Variants in BBS9 observed in about 807,000 individuals in gnomAD.
BBS9 encodes Bardet-Biedl syndrome 9, also known as protein PTHB1.
Under a neutral mutation model 117.7 loss-of-function variants are expected in BBS9, and 89 were observed. The observed-to-expected ratio is 0.76, with a 90% CI of 0.64 to 0.90. The LOEUF (loss-of-function observed/expected upper bound fraction) is 0.90, where lower values mean the gene tolerates loss of function less well. Ranked by LOEUF, BBS9 falls within the 40% of genes least tolerant of loss-of-function variation. The pLI is 0.00. For synonymous variants in BBS9, 379 were observed against 370.9 expected (o/e 1.02, Z -0.25); for missense variants, 982 against 1,042.2 (o/e 0.94, Z 0.80).
At chr7:33,449,459 G>A (rs1837462573) in intron 19 of BBS9, among the ~76,000 whole-genome samples, 1 of 152,176 alleles carries the variant, frequency 6.6e-6, no homozygotes, top group Non-Finnish European at 1.5e-5. Flanking sequence ...TAGAGTAACT[G>A]GAATAGTTCT....
intron 21 of BBS9, among the ~76,000 whole-genome samples, chr7:33,564,868 G>T (rs920277889): frequency 6.6e-6 from 1 of 152,190 alleles, no homozygotes; most frequent in African/African-American, 2.4e-5. Flanking sequence ...GGTAAAGAAT[G>T]ATTTGTACTA....
intron 21 of BBS9, among the ~76,000 whole-genome samples, chr7:33,631,957 G>A (rs1233255195): frequency 2.6e-5 from 4 of 152,158 alleles, no homozygotes; most frequent in African/African-American, 9.7e-5. Flanking sequence ...TAATTAGTGC[G>A]TAGAATGGAA....
intron 7 of BBS9, among the ~76,000 whole-genome samples, chr7:33,269,169 A>G (rs577040975): frequency 6.6e-6 from 1 of 152,192 alleles, no homozygotes; most frequent in Non-Finnish European, 1.5e-5. Flanking sequence ...AAATATTTTA[A>G]TATCTAAAGT....
At chr7:33,135,079 G>T (rs1027127082) in intron 1 of BBS9, among the ~76,000 whole-genome samples, 1 of 152,154 alleles carries the variant, frequency 6.6e-6, no homozygotes, top group African/African-American at 2.4e-5. Flanking sequence ...TTTTTGTAGT[G>T]ATGGGGTCTC....
intron 19 of BBS9, among the ~76,000 whole-genome samples, chr7:33,405,522 G>A (rs550263863): frequency 3.3e-5 from 5 of 152,106 alleles, no homozygotes; most frequent in Non-Finnish European, 5.9e-5. Context: ...CAATTTCAGA[G>A]CCTGTTATTG....
chr7:33,265,134 A>G (rs1371359049), intron 7 of BBS9, among the ~76,000 whole-genome samples: 1 of 152,214 alleles, frequency 6.6e-6, no homozygotes, highest in Non-Finnish European at 1.5e-5. Flanking sequence ...AACTAAAATT[A>G]TGGTGGAAAC....
At chr7:33,467,557 G>GA (rs1293934266) in intron 19 of BBS9, among the ~76,000 whole-genome samples, 1 of 77,716 alleles carries the variant, frequency 1.3e-5, no homozygotes, top group African/African-American at 6.5e-5. Flanking sequence ...AGTGCTGTGG[G>GA]AACCCCCCAA....
intron 5 of BBS9, among the ~76,000 whole-genome samples, chr7:33,211,032 C>G (rs1393085539): frequency 6.6e-6 from 1 of 152,138 alleles, no homozygotes; most frequent in Non-Finnish European, 1.5e-5. Flanking sequence ...ATCTCTTTTT[C>G]TATCCCTTTG....
intron 20 of BBS9, among the ~76,000 whole-genome samples, chr7:33,533,158 C>G (rs1018399462): frequency 5.9e-5 from 9 of 152,180 alleles, no homozygotes; most frequent in Non-Finnish European, 1.0e-4. Flanking sequence ...GCTGAACCCA[C>G]CTGAGGGTGG....
chr7:33,490,367 T>G (rs1335472225), intron 19 of BBS9, among the ~76,000 whole-genome samples: 1 of 101,304 alleles, frequency 9.9e-6, no homozygotes, highest in Non-Finnish European at 2.4e-5. Context: ...GATTTTCTTT[T>G]TATTTGTGTG....
chr7:33,177,237 A>G (rs958427835), intron 4 of BBS9, among the ~76,000 whole-genome samples: 3 of 152,166 alleles, frequency 2.0e-5, no homozygotes. Context: ...TAAAAATAGA[A>G]TATAAAGTGT....
chr7:33,429,305 A>T (rs1223974213), intron 19 of BBS9, among the ~76,000 whole-genome samples: 2 of 150,306 alleles, frequency 1.3e-5, no homozygotes, highest in African/African-American at 2.4e-5. Context: ...AAATTCAGCC[A>T]GAAGTGTTAG....
chr7:33,578,108 C>G (rs1859253375), intron 21 of BBS9, among the ~76,000 whole-genome samples: 1 of 152,102 alleles, frequency 6.6e-6, no homozygotes, highest in African/African-American at 2.4e-5. Context: ...CATATCTTTG[C>G]CCTATCACTT....
At chr7:33,243,883 TGTC>T (rs1794917849) in intron 5 of BBS9, among the ~76,000 whole-genome samples, 1 of 152,178 alleles carries the variant, frequency 6.6e-6, no homozygotes, top group South Asian at 2.1e-4. Context: ...GTATTAGTAT[TGTC>T]TTTTAAGAGA....
intron 5 of BBS9, among the ~76,000 whole-genome samples, chr7:33,239,861 C>G (rs1794181619): frequency 1.3e-5 from 2 of 151,994 alleles, no homozygotes; most frequent in African/African-American, 4.8e-5. Flanking sequence ...AAAAAATTAG[C>G]CAGGCATGGT....
chr7:33,266,569 T>C (rs916648655), intron 7 of BBS9, among the ~76,000 whole-genome samples: 28 of 152,184 alleles, frequency 1.8e-4, no homozygotes, highest in Admixed American at 1.8e-3. Flanking sequence ...TTAGAGTGTT[T>C]CATACATGTC....
At chr7:33,613,244 G>A (rs1188314748) in intron 21 of BBS9, among the ~76,000 whole-genome samples, 1 of 152,014 alleles carries the variant, frequency 6.6e-6, no homozygotes, top group East Asian at 1.9e-4. Context: ...CATCCTCAAA[G>A]TATTGTTCTG....
At chr7:33,336,702 T>C (rs1815444040) in intron 10 of BBS9, 80 bp downstream of exon 10, 7 of 1,058,100 alleles carry the variant, frequency 6.6e-6, no homozygotes, top group South Asian at 2.9e-5. Flanking sequence ...TTATTTTGTG[T>C]ATTTGTTAAT....
chr7:33,596,710 T>G (rs1862873528), intron 21 of BBS9, among the ~76,000 whole-genome samples: 1 of 152,176 alleles, frequency 6.6e-6, no homozygotes, highest in Non-Finnish European at 1.5e-5. Flanking sequence ...ATTTTGTCAT[T>G]TACACCTTTT....
Sources: allele counts gnomAD v4.1 joint callset (sites outside exome capture counted in the v4.1 genomes callset), GRCh38; gene constraint gnomAD v4.1.1; transcripts MANE v1.5; gene names NCBI Gene and HGNC (gene_info 2026-07-23, HGNC 2026-07-21).